The following CWH43 variants were observed in gnomAD, a reference collection of about 807,000 sequenced individuals.
CWH43 encodes the protein cell wall biogenesis 43 C-terminal homolog.
A neutral mutation model predicts 85.7 loss-of-function variants in CWH43; 91 were observed. The ratio of observed to expected loss-of-function variants is 1.06; its 90% confidence interval spans 0.90 to 1.26. The LOEUF (loss-of-function observed/expected upper bound fraction) is 1.26, where lower values mean the gene tolerates loss of function less well. Ranked by LOEUF, CWH43 falls within the 50% of genes most tolerant of loss-of-function variation. CWH43 has a pLI of 0.00. For synonymous variants in CWH43, 323 were observed against 293.6 expected (o/e 1.10, Z -1.02); for missense variants, 869 against 839.2 (o/e 1.04, Z -0.44).
At chr4:49,040,775 T>C (rs1329561195) in intron 13 of CWH43, among the ~76,000 whole-genome samples, 3 of 152,138 alleles carry the variant, frequency 2.0e-5, no homozygotes, top group Non-Finnish European at 1.5e-5. Flanking sequence ...ATTTTGGCTT[T>C]TGTTGCCATT....
rs182392512 is a variant in CWH43, at chr4:49,041,823, G to A, written c.1804-2963G>A. 2.6e-5 allele frequency among the ~76,000 whole-genome samples: 4 copies of A among 152,266 alleles called. No homozygotes were observed. In the East Asian group the frequency reaches 5.8e-4, roughly 22 times the overall value. The stretch of plus-strand genomic sequence containing the variant: ...AAGAAGGGGCCAAGAGCATATGCCA[G>A]TTCCTCTGAAGGCAAGTCCCAGAAA... On this transcript the variant is annotated intron_variant, in intron 13 of 15. Transcript: ENST00000226432.
chr4:49,039,360 T>TATAC (rs1338567790), intron 13 of CWH43, among the ~76,000 whole-genome samples: 2 of 105,056 alleles, frequency 1.9e-5, no homozygotes, highest in East Asian at 5.1e-4. Context: ...CTGATATATA[T>TATAC]ATACTGATGT....
At chr4:49,051,133 C>T (rs544779287) in intron 15 of CWH43, among the ~76,000 whole-genome samples, 4 of 152,238 alleles carry the variant, frequency 2.6e-5, no homozygotes, top group Non-Finnish European at 5.9e-5. Context: ...GTCACCTCCA[C>T]GATAGCTAGT....
chr4:48,994,290 TACA>T (rs954030816), intron 4 of CWH43, among the ~76,000 whole-genome samples: 2 of 152,278 alleles, frequency 1.3e-5, no homozygotes, highest in African/African-American at 4.8e-5. Context: ...ACTCAATTTG[TACA>T]ACATTTGTTC....
chr4:49,021,728 C>G (rs149773821), intron 9 of CWH43, among the ~76,000 whole-genome samples: 1 of 152,264 alleles, frequency 6.6e-6, no homozygotes, highest in African/African-American at 2.4e-5. Context: ...TTTCTTTCAG[C>G]AGTGTTTTGT....
chr4:48,988,472 TGTAGGATG>T lies in CWH43; in HGVS notation c.44-4_47del. The T allele has an allele frequency of 3.9e-6, 6 of 1,526,104 alleles. No individual in the cohort carries two copies. The highest frequency in any genetic ancestry group is 4.4e-5 in the Admixed American group (2 of 45,300). The allele number at this position is 1,526,104 out of a possible 1,614,324, so 94.5% of individuals were successfully genotyped here. A position where few individuals can be genotyped will look rare whatever the true frequency, so the allele number is the denominator to read the frequency against. ...TTCTCTCTTTAACTTTTTTTTTTTT[TGTAGGATG>T]TGTTTCTTGGTCTCTCTACCATGAC... On this transcript the variant is annotated splice_acceptor_variant and splice_polypyrimidine_tract_variant and coding_sequence_variant and intron_variant, in exon 2 of 16. Coordinates refer to ENST00000226432, the MANE Select transcript of CWH43 (RefSeq NM_025087.3). LOFTEE classifies it high-confidence loss of function.
At chr4:49,005,550 GTTTTTTTTTTTTCTT>G (rs1341982031) in intron 7 of CWH43, among the ~76,000 whole-genome samples, 3 of 137,626 alleles carry the variant, frequency 2.2e-5, no homozygotes, top group African/African-American at 5.3e-5. Context: ...TTAGGGTTCT[GTTTTTTTTTTTTCTT>G]TTTTTTTTTT....
chr4:49,054,929 A>G (rs1169784260), intron 15 of CWH43, among the ~76,000 whole-genome samples: 1 of 151,890 alleles, frequency 6.6e-6, no homozygotes, highest in East Asian at 1.9e-4. Flanking sequence ...ATATATATAT[A>G]TATATAATCA....
chr4:48,995,922 A>G (rs1444532800), intron 5 of CWH43, among the ~76,000 whole-genome samples: 1 of 152,082 alleles, frequency 6.6e-6, no homozygotes, highest in Non-Finnish European at 1.5e-5. Flanking sequence ...TAAAATGCAA[A>G]TCTGATTCCA....
intron 13 of CWH43, among the ~76,000 whole-genome samples, chr4:49,039,693 AT>A (rs1404065740): frequency 6.6e-6 from 1 of 151,652 alleles, no homozygotes; most frequent in Admixed American, 6.6e-5. Flanking sequence ...AATTTTCTGC[AT>A]GTGACAGAAA....
At chr4:49,044,970 C>A in intron 14 of CWH43, 123 bp downstream of exon 14, 1 of 698,930 alleles carries the variant, frequency 1.4e-6, no homozygotes, top group Non-Finnish European at 2.4e-6. Flanking sequence ...AAAAAGCAAT[C>A]AATGTTTATA....
At chr4:49,038,240 GT>G in intron 13 of CWH43, 60 bp downstream of exon 13, 1 of 1,430,138 alleles carries the variant, frequency 7.0e-7, no homozygotes, top group Non-Finnish European at 9.3e-7. Context: ...TTTCTTTCAT[GT>G]TTTTAAAAAA....
intron 9 of CWH43, among the ~76,000 whole-genome samples, chr4:49,019,557 G>C (rs1783672506): frequency 6.6e-6 from 1 of 151,764 alleles, no homozygotes; most frequent in Non-Finnish European, 1.5e-5. Context: ...TTTATTATTA[G>C]TATTATTTTT....
chr4:49,053,960 G>T (rs1455832487), intron 15 of CWH43, among the ~76,000 whole-genome samples: 2 of 152,132 alleles, frequency 1.3e-5, no homozygotes, highest in African/African-American at 4.8e-5. Flanking sequence ...TCATCCCATA[G>T]GTTGTCTCTT....
At chr4:49,003,695 G>C (rs368954377) in intron 6 of CWH43, 40 bp from the exon 7 acceptor site, 6 of 1,609,252 alleles carry the variant, frequency 3.7e-6, no homozygotes, top group Non-Finnish European at 3.4e-6. Flanking sequence ...CTCTAAGCTC[G>C]ACTGCTTTCC....
intron 11 of CWH43, among the ~76,000 whole-genome samples, chr4:49,031,882 T>A (rs983465503): frequency 1.3e-5 from 2 of 152,164 alleles, no homozygotes; most frequent in Non-Finnish European, 2.9e-5. Flanking sequence ...TTTAATGGAA[T>A]GGGAACCATC....
At chr4:48,997,544 C>T (rs1782852026) in intron 5 of CWH43, among the ~76,000 whole-genome samples, 1 of 152,144 alleles carries the variant, frequency 6.6e-6, no homozygotes, top group Admixed American at 6.6e-5. Flanking sequence ...CACTGTCCTT[C>T]ATGGCCTCTT....
At chr4:49,038,666 T>C (rs1240607065) in intron 13 of CWH43, among the ~76,000 whole-genome samples, 3 of 152,198 alleles carry the variant, frequency 2.0e-5, no homozygotes, top group Non-Finnish European at 4.4e-5. Flanking sequence ...CATTAAATTC[T>C]TGATGGGAGG....
At chr4:49,026,702 C>A (rs550463016) in intron 9 of CWH43, among the ~76,000 whole-genome samples, 1 of 152,298 alleles carries the variant, frequency 6.6e-6, no homozygotes, top group Admixed American at 6.5e-5. Context: ...CAAGTTGCTG[C>A]AAAAGACATT....
Sources: gnomAD v4.1 joint callset for allele counts (sites outside exome capture counted in the v4.1 genomes callset) on GRCh38, gnomAD v4.1.1 for gene constraint, MANE v1.5 for transcripts, NCBI Gene and HGNC (gene_info 2026-07-23, HGNC 2026-07-21) for gene names.